Variants in NLRP14 observed in about 807,000 individuals in gnomAD.
NLRP14 encodes NACHT, LRR and PYD domains-containing protein 14.
In NLRP14, 105 loss-of-function variants were observed where a neutral mutation model predicts 94.7. The ratio of observed to expected loss-of-function variants is 1.11; its 90% CI spans 0.95 to 1.30. The LOEUF (loss-of-function observed/expected upper bound fraction) is 1.30. Ranked by LOEUF, NLRP14 falls within the 50% of genes most tolerant of loss-of-function variation. NLRP14 has a pLI of 0.00. For missense variants in NLRP14, 1,362 were observed against 1,254.1 expected (o/e 1.09, Z -1.30); for synonymous variants, 508 against 459.9 (o/e 1.10, Z -1.34).
At chr11:7,065,578 T>G (rs1159196083) in intron 10 of NLRP14, among the ~76,000 whole-genome samples, 1 of 152,140 alleles carries the variant, frequency 6.6e-6, no homozygotes, top group East Asian at 1.9e-4. Context: ...ATATGTGATA[T>G]AATGTTAATA....
At chr11:7,062,235 T>C in intron 9 of NLRP14, 98 bp from the exon 10 acceptor site, 1 of 987,206 alleles carries the variant, frequency 1.0e-6, no homozygotes, top group Non-Finnish European at 1.6e-6. Context: ...TAGAAAAGAG[T>C]GAGAAAAGAG....
At chr11:7,036,988 G>A (rs560782545) in intron 1 of NLRP14, among the ~76,000 whole-genome samples, 1 of 152,252 alleles carries the variant, frequency 6.6e-6, no homozygotes, top group African/African-American at 2.4e-5. Flanking sequence ...AGAGAAATAA[G>A]CTATAGAAAA....
Position 7,042,741 on chromosome 11 carries a change from A to G in NLRP14, c.715A>G (p.Ser239Gly), listed in dbSNP as rs1852279300. Residue 239 changes from serine to glycine, a missense_variant, in exon 4 of 12, where the codon AGC becomes GGC. By Grantham distance (56) the Ser-to-Gly change is moderately conservative (BLOSUM62 0). Coordinates refer to ENST00000299481, the MANE Select transcript of NLRP14 (RefSeq NM_176822.4). ...TCAATTGATATCAAAGGACTGGCCC[A>G]GCACAGAAGGCCCCATTGAAGAAAT... ...FAQLISKDWP[S>G]TEGPIEEIMY... 3 of 1,614,244 alleles carry G rather than the reference A, an allele frequency of 1.9e-6. No individual in the cohort carries two copies. Among genetic ancestry groups the G allele is most frequent in the East Asian group, 2.2e-5 (1 of 44,882 alleles).
intron 7 of NLRP14, 27 bp from the exon 8 acceptor site, chr11:7,058,253 A>C: frequency 3.1e-6 from 5 of 1,590,496 alleles, no homozygotes; most frequent in Non-Finnish European, 4.3e-6. Context: ...GAATTGACAG[A>C]TCTCTTCTCA....
chr11:7,042,986 G>A lies in NLRP14; in HGVS notation c.960G>A (p.Lys320=). Residue 320 remains lysine, a synonymous_variant, in exon 4 of 12, where the codon AAG becomes AAA. Transcript: ENST00000299481. ...CTAAGAGACTAAAGCAGTTGTTGAAGAATCACCATTATGTAGAGCTACTAG... is the reference window on the plus strand; with the variant it reads ...CTAAGAGACTAAAGCAGTTGTTGAAAAATCACCATTATGTAGAGCTACTAG... ...TTSKRLKQLL[K]NHHYVELLGM... is the part of the protein sequence containing the mutation. The A allele has an allele frequency of 6.2e-7, 1 of 1,614,134 alleles. No homozygotes were observed. The highest frequency in any genetic ancestry group is 8.5e-7 in the Non-Finnish European group (1 of 1,180,006).
intron 10 of NLRP14, among the ~76,000 whole-genome samples, chr11:7,069,480 T>A (rs1246377873): frequency 6.6e-6 from 1 of 152,182 alleles, no homozygotes; most frequent in Non-Finnish European, 1.5e-5. Context: ...GGCTGACAGA[T>A]GGGTGGGTTG....
intron 1 of NLRP14, among the ~76,000 whole-genome samples, chr11:7,037,873 G>A (rs761246105): frequency 3.9e-5 from 6 of 152,218 alleles, no homozygotes; most frequent in Non-Finnish European, 7.3e-5. Context: ...TGTCAAAGAC[G>A]TGAGATGAGG....
intron 9 of NLRP14, among the ~76,000 whole-genome samples, chr11:7,062,112 T>C (rs1208514756): frequency 6.6e-6 from 1 of 152,072 alleles, no homozygotes; most frequent in African/African-American, 2.4e-5. Flanking sequence ...GCTCTGTAGA[T>C]AACCTGTTTG....
chr11:7,042,890 C>A lies in NLRP14; in HGVS notation c.864C>A (p.Leu288=), dbSNP rs772511471. 5 of 1,614,144 alleles carry A rather than the reference C, an allele frequency of 3.1e-6. No individual in the cohort carries two copies. The South Asian group carries it at 5.5e-5, about 18-fold the overall frequency. The part of the protein sequence containing the change: ...DWTQEHPVSF[L]MSSLLRKVML... ...CCCAAGAACACCCAGTGTCCTTCCT[C>A]ATGAGTAGTTTGCTGAGGAAAGTGA... The change falls in exon 4 of 12, where the codon CTC becomes CTA. Residue 288 remains leucine, a synonymous_variant. Coordinates refer to ENST00000299481, the MANE Select transcript of NLRP14 (RefSeq NM_176822.4).
chr11:7,054,993 T>C (rs778618394), intron 6 of NLRP14, among the ~76,000 whole-genome samples: 2 of 152,174 alleles, frequency 1.3e-5, no homozygotes, highest in Non-Finnish European at 1.5e-5. Flanking sequence ...TGTTGAGAGA[T>C]AGGAGTCTAG....
In NLRP14 at chr11:7,042,349, C is replaced by A. The variant is rs187720729; in HGVS notation, c.362-39C>A. ...CATAGAATTTGTTTTGATCATGTGTCTTTGTTTTTGTTTTTTTACCTTTGC... is the reference window on the plus strand; with the variant it reads ...CATAGAATTTGTTTTGATCATGTGTATTTGTTTTTGTTTTTTTACCTTTGC... On this transcript the variant is annotated intron_variant, in intron 3 of 11. Transcript: ENST00000299481. 305 of 1,571,268 alleles carry A rather than the reference C, an allele frequency of 1.9e-4. 2 individuals are homozygous for A. The African/African-American group carries it at 2.9e-3, about 15-fold the overall frequency.
intron 4 of NLRP14, among the ~76,000 whole-genome samples, chr11:7,045,640 A>G (rs1216414321): frequency 2.6e-5 from 4 of 152,146 alleles, no homozygotes; most frequent in African/African-American, 9.7e-5. Context: ...GACCATCACT[A>G]TGAACTGTCA....
the NLRP14 span, among the ~76,000 whole-genome samples, chr11:7,088,729 TGGTTTGGGTAGCTTA>T: frequency 6.6e-6 from 1 of 152,114 alleles, no homozygotes; most frequent in Non-Finnish European, 1.5e-5. Context: ...TGTTTGAAAA[TGGTTTGGGTAGCTTA>T]GGTTTGGGAT....
At chr11:7,046,588 C>T (rs1852353555) in intron 4 of NLRP14, 80 bp from the exon 5 acceptor site, 2 of 1,337,616 alleles carry the variant, frequency 1.5e-6, no homozygotes, top group Non-Finnish European at 2.1e-6. Flanking sequence ...CTTACTTTTA[C>T]TCCAATACTA....
chr11:7,039,406 G>T (rs1048050922), intron 2 of NLRP14, among the ~76,000 whole-genome samples: 57 of 151,452 alleles, frequency 3.8e-4, no homozygotes, highest in South Asian at 1.9e-3. Flanking sequence ...TATCTCCTTT[G>T]CACCTCACCG....
intron 1 of NLRP14, among the ~76,000 whole-genome samples, chr11:7,035,828 A>G (rs1183206859): frequency 6.6e-6 from 1 of 152,176 alleles, no homozygotes; most frequent in Admixed American, 6.5e-5. Flanking sequence ...AGGGTCTGCT[A>G]TCACAGAGCA....
the NLRP14 span, among the ~76,000 whole-genome samples, chr11:7,077,148 A>G: frequency 6.6e-6 from 1 of 152,164 alleles, no homozygotes; most frequent in Non-Finnish European, 1.5e-5. Flanking sequence ...ATTGGGTGTG[A>G]CGAATCAGCT....
chr11:7,087,459 T>A, the NLRP14 span, among the ~76,000 whole-genome samples: 1 of 152,170 alleles, frequency 6.6e-6, no homozygotes, highest in Non-Finnish European at 1.5e-5. Flanking sequence ...GGCTATCTGG[T>A]CTTATTGTGC....
chr11:7,023,484 A>G (rs960450569), intron 1 of NLRP14, among the ~76,000 whole-genome samples: 7 of 144,336 alleles, frequency 4.8e-5, no homozygotes, highest in African/African-American at 1.7e-4. Flanking sequence ...ACAAAAATAT[A>G]TAAGTATAAA....
Sources: allele counts gnomAD v4.1 joint callset (sites outside exome capture counted in the v4.1 genomes callset), GRCh38; gene constraint gnomAD v4.1.1; transcripts MANE v1.5; gene names NCBI Gene and HGNC (gene_info 2026-07-23, HGNC 2026-07-21).